SRRM3: variants seen among roughly 807,000 people sequenced by gnomAD.
SRRM3 encodes the protein serine/arginine repetitive matrix 3.
Under a neutral mutation model 66.2 loss-of-function variants are expected in SRRM3, and 27 were observed. The observed-to-expected ratio is 0.41, with a 90% confidence interval of 0.30 to 0.56. SRRM3 has a LOEUF of 0.56. Ranked by LOEUF, SRRM3 falls within the 20% of genes least tolerant of loss-of-function variation. SRRM3 has a pLI of 0.32. For missense variants in SRRM3, 918 were observed against 991.9 expected (o/e 0.93, Z 1.00); for synonymous variants, 391 against 414.9 (o/e 0.94, Z 0.70).
chr7:76,259,823 G>A, intron 3 of SRRM3, 83 bp from the exon 4 acceptor site: 2 of 1,580,416 alleles, frequency 1.3e-6, no homozygotes, highest in Non-Finnish European at 1.7e-6. Flanking sequence ...GACTTGCGGG[G>A]CTAGGTCAGG....
intron 3 of SRRM3, among the ~76,000 whole-genome samples, chr7:76,248,588 A>C (rs1801498283): frequency 3.3e-5 from 5 of 152,094 alleles, no homozygotes; most frequent in Admixed American, 3.3e-4. Flanking sequence ...GGGGATTCTG[A>C]GCTGCAAATC....
chr7:76,273,651 C>T (rs538310884), intron 11 of SRRM3: 1 of 152,382 alleles, frequency 6.6e-6, no homozygotes, highest in Admixed American at 6.5e-5. Context: ...TAAGCCCTGC[C>T]ACTTTGCTTG....
At chr7:76,204,062 G>A (rs946098781) in intron 1 of SRRM3, among the ~76,000 whole-genome samples, 13 of 152,108 alleles carry the variant, frequency 8.5e-5, no homozygotes, top group Admixed American at 7.9e-4. Context: ...CACCCGTTCT[G>A]CACCTCCTCT....
At chr7:76,281,389 C>T (rs1338618584) in intron 11 of SRRM3, 52 bp from the exon 12 acceptor site, 1 of 1,180,150 alleles carries the variant, frequency 8.5e-7, no homozygotes, top group Non-Finnish European at 1.1e-6. Flanking sequence ...GTCTCTGTCT[C>T]TCTCGTCTCC....
intron 3 of SRRM3, among the ~76,000 whole-genome samples, 191 bp downstream of exon 3, chr7:76,248,480 C>T (rs1801496274): frequency 6.6e-6 from 1 of 152,120 alleles, no homozygotes; most frequent in Admixed American, 6.6e-5. Context: ...GGCCCACGGA[C>T]ATCTGGACAT....
At chr7:76,272,119 C>T (rs1802229876) in intron 11 of SRRM3, among the ~76,000 whole-genome samples, 1 of 152,200 alleles carries the variant, frequency 6.6e-6, no homozygotes, top group East Asian at 1.9e-4. Context: ...ACTGGCCTCC[C>T]TCCAGCCCCC....
Position 76,211,979 on chromosome 7 carries a change from A to T in SRRM3, c.-40+9912A>T, listed in dbSNP as rs565534020. On this transcript the variant is annotated intron_variant, in intron 1 of 14. Transcript: ENST00000611745. ...CTCGGCCTCCTGAGTAGCTGGCACT[A>T]CAGGCACATGCCACCGTGCCCAGAT... Among the ~76,000 whole-genome samples, 12 of 150,852 alleles carry T rather than the reference A, an allele frequency of 8.0e-5. 1 individual carries two copies. In the South Asian group the frequency reaches 2.1e-3, roughly 26 times the overall value.
intron 2 of SRRM3, among the ~76,000 whole-genome samples, chr7:76,236,005 CAAAAAAAAAA>C (rs1161706465): frequency 1.5e-4 from 3 of 20,274 alleles, no homozygotes; most frequent in East Asian, 2.2e-3. Flanking sequence ...GATTCTGTCT[CAAAAAAAAAA>C]AAAAAAAAAA....
Position 76,201,910 on chromosome 7 carries a change from CA to C in SRRM3, c.-195del, listed in dbSNP as rs1554600640. On this transcript the variant is annotated 5_prime_UTR_variant, in exon 1 of 15. Transcript: ENST00000611745. ...GGCGGTGCGCTGTCCAGCATTTCAG[CA>C]AGCGGCGGCAGCACCCGCGGGGAGG... is the stretch of plus-strand genomic sequence containing the variant. 6.6e-6 allele frequency: 1 copy of C among 152,656 alleles called. No homozygotes were observed. Among genetic ancestry groups the C allele is most frequent in the Admixed American group, 6.5e-5 (1 of 15,290 alleles). 9.5% of individuals were successfully genotyped at this position (152,656 alleles called of 1,614,324 possible). A position where few individuals can be genotyped will look rare whatever the true frequency, so the allele number is the denominator to read the frequency against.
At chr7:76,277,841 A>G (rs1231619481) in intron 11 of SRRM3, among the ~76,000 whole-genome samples, 2 of 152,034 alleles carry the variant, frequency 1.3e-5, no homozygotes, top group East Asian at 1.9e-4. Flanking sequence ...TAAGTTCCGT[A>G]CTCTGCCCTG....
At chr7:76,247,433 T>A (rs1379742367) in intron 2 of SRRM3, among the ~76,000 whole-genome samples, 1 of 151,936 alleles carries the variant, frequency 6.6e-6, no homozygotes, top group African/African-American at 2.4e-5. Flanking sequence ...GGATGGGATG[T>A]CATGGAGGCC....
intron 2 of SRRM3, among the ~76,000 whole-genome samples, chr7:76,241,996 T>C (rs78411864): frequency 5.9e-5 from 9 of 152,130 alleles, no homozygotes; most frequent in African/African-American, 1.9e-4. Context: ...TGGCATCCAA[T>C]TGGCTTCTGG....
chr7:76,222,381 T>C (rs1036909765), intron 1 of SRRM3, among the ~76,000 whole-genome samples: 3 of 138,810 alleles, frequency 2.2e-5, no homozygotes, highest in Admixed American at 7.8e-5. Flanking sequence ...ACCACTACAC[T>C]CCAGCCTGGG....
intron 11 of SRRM3, among the ~76,000 whole-genome samples, chr7:76,280,010 T>C (rs1420597640): frequency 6.6e-6 from 1 of 151,876 alleles, no homozygotes; most frequent in Non-Finnish European, 1.5e-5. Flanking sequence ...GATGAACTTA[T>C]ACTACCACAC....
rs540262414 is a variant in SRRM3 at position 76,285,896 on chromosome 7, G to A, written c.*53G>A. The A allele has an allele frequency of 4.0e-5, 60 of 1,503,434 alleles. No individual in the cohort carries two copies. In the Middle Eastern group the frequency reaches 5.3e-4, roughly 13 times the overall value. 93.1% of individuals were successfully genotyped at this position (1,503,434 alleles called of 1,614,324 possible). Reference sequence around the variant, plus strand: ...CCTGGCACTGGGAGAGGCGAGGGGCGGGCCCCAGGACCCCAGTGGGGAGGG... The same window carrying A: ...CCTGGCACTGGGAGAGGCGAGGGGCAGGCCCCAGGACCCCAGTGGGGAGGG... On this transcript the variant is annotated 3_prime_UTR_variant, in exon 15 of 15. Transcript: ENST00000611745. The surrounding 1 kb of genome is among the most constrained non-coding windows in gnomAD (Gnocchi z 4.1).
At chr7:76,278,906 C>G (rs1802428795) in intron 11 of SRRM3, among the ~76,000 whole-genome samples, 1 of 152,206 alleles carries the variant, frequency 6.6e-6, no homozygotes, top group South Asian at 2.1e-4. Context: ...CTTCCAGTCC[C>G]TAGCGGCAAG....
Position 76,283,022 on chromosome 7 carries a change from C to A in SRRM3, c.1654C>A (p.Arg552Ser). The A allele has an allele frequency of 6.8e-7, 1 of 1,475,716 alleles. No individual in the cohort carries two copies. 91.4% of individuals were successfully genotyped at this position (1,475,716 alleles called of 1,614,324 possible). A position where few individuals can be genotyped will look rare whatever the true frequency, so the allele number is the denominator to read the frequency against. Residue 552 changes from arginine to serine, a missense_variant, in exon 14 of 15, where the codon CGC becomes AGC. Transcript: ENST00000611745. ...TGAGGCCGAGGCCACCCGCGCCCGGCGCCGCTCCCGCAGCTACTCGCCCAT... is the reference window on the plus strand; with the variant it reads ...TGAGGCCGAGGCCACCCGCGCCCGGAGCCGCTCCCGCAGCTACTCGCCCAT... ...HSEAEATRARRRSRSYSPIRK... is the reference protein window; with the variant it reads ...HSEAEATRARSRSRSYSPIRK...
At position 76,281,642 on chromosome 7, in the gene SRRM3, C is replaced by A; in HGVS notation, c.1210C>A (p.Arg404Ser). The A allele has an allele frequency of 1.0e-6, 1 of 973,868 alleles. No homozygotes were observed. The highest frequency in any genetic ancestry group is 4.6e-5 in the South Asian group (1 of 21,706). The allele number at this position is 973,868 out of a possible 1,614,324, so 60.3% of individuals were successfully genotyped here. A position where few individuals can be genotyped will look rare whatever the true frequency, so the allele number is the denominator to read the frequency against. Reference protein sequence around the residue: ...RRSRSSASAPRRRGRRRPRPA... With the variant: ...RRSRSSASAPSRRGRRRPRPA... Reference sequence around the variant, plus strand: ...CTCGCGGTCCTCGGCGTCCGCGCCCCGCCGCAGGGGTCGCCGGCGCCCCCG... The same window carrying A: ...CTCGCGGTCCTCGGCGTCCGCGCCCAGCCGCAGGGGTCGCCGGCGCCCCCG... The change falls in exon 12 of 15, where the codon CGC becomes AGC. Residue 404 changes from arginine to serine, a missense_variant. Physicochemically the swap from Arg to Ser is moderately radical, Grantham distance 110 (BLOSUM62 -1). Transcript: ENST00000611745.
chr7:76,235,866 C>G (rs1464661185), intron 2 of SRRM3, among the ~76,000 whole-genome samples: 1 of 151,482 alleles, frequency 6.6e-6, no homozygotes, highest in African/African-American at 2.4e-5. Flanking sequence ...ATTAGCCAGG[C>G]GTGGTGACGC....
Sources: gnomAD v4.1 joint callset for allele counts (sites outside exome capture counted in the v4.1 genomes callset) on GRCh38, gnomAD v4.1.1 for gene constraint, Gnocchi (gnomAD v3.1) non-coding constraint, MANE v1.5 for transcripts, NCBI Gene and HGNC (gene_info 2026-07-23, HGNC 2026-07-21) for gene names.